The following TENM3 variants were observed in gnomAD, a reference collection of about 807,000 sequenced individuals.
TENM3 encodes teneurin transmembrane protein 3.
Under a neutral mutation model 255.1 loss-of-function variants are expected in TENM3, and 63 were observed. That is an observed-to-expected ratio of 0.25 (90% CI 0.20 to 0.30). The LOEUF is 0.30. Ranked by LOEUF, TENM3 falls within the 10% of genes least tolerant of loss-of-function variation. The pLI is 1.00. For missense variants in TENM3, 2,929 were observed against 3,461.1 expected (o/e 0.85, Z 3.86); for synonymous variants, 1,306 against 1,322.3 (o/e 0.99, Z 0.27).
At chr4:182,753,212 T>G (rs1363541505) in intron 20 of TENM3, among the ~76,000 whole-genome samples, 1 of 152,192 alleles carries the variant, frequency 6.6e-6, no homozygotes, top group Non-Finnish European at 1.5e-5. Flanking sequence ...CCTCGCAAAG[T>G]GCTAGGATTG....
chr4:182,114,512 C>G, the TENM3 span, among the ~76,000 whole-genome samples: 2 of 151,962 alleles, frequency 1.3e-5, no homozygotes, highest in African/African-American at 4.8e-5. Flanking sequence ...CATACCATTA[C>G]ATTTCAGATA....
At chr4:182,314,755 T>C (rs1237796851) in intron 1 of TENM3, among the ~76,000 whole-genome samples, 1 of 152,232 alleles carries the variant, frequency 6.6e-6, no homozygotes, top group Non-Finnish European at 1.5e-5. Flanking sequence ...TTTTAGACCA[T>C]TTACATTTAA....
At chr4:182,759,545 TATAAA>T (rs1207455252) in intron 22 of TENM3, among the ~76,000 whole-genome samples, 1 of 152,262 alleles carries the variant, frequency 6.6e-6, no homozygotes, top group African/African-American at 2.4e-5. Flanking sequence ...TATTTTGCTT[TATAAA>T]ATAAGGACTT....
rs13130747 is a variant in TENM3, at chr4:182,753,424, G to C, written c.3863-26G>C. The stretch of plus-strand genomic sequence containing the variant: ...AAAAGTAACCATTTTTGAAAAATTA[G>C]TAATACTTGCTTCTCTCAAATACAG... On this transcript the variant is annotated intron_variant, in intron 20 of 27. Transcript: ENST00000511685. 818,313 of 1,595,238 alleles carry C rather than the reference G, an allele frequency of 0.51. 212,584 individuals carry two copies. The highest frequency in any genetic ancestry group is 0.67 in the African/African-American group (49,677 of 74,356).
chr4:182,066,417 C>T, the TENM3 span, among the ~76,000 whole-genome samples: 2 of 151,930 alleles, frequency 1.3e-5, no homozygotes, highest in Non-Finnish European at 2.9e-5. Context: ...ACAACAACAA[C>T]GATAAGGAGA....
chr4:181,838,749 A>T, the TENM3 span, among the ~76,000 whole-genome samples: 1 of 151,938 alleles, frequency 6.6e-6, no homozygotes, highest in Non-Finnish European at 1.5e-5. Flanking sequence ...TTTTAATGTT[A>T]TTTCTTTTCT....
Position 182,802,958 on chromosome 4 carries a change from T to A in TENM3, c.*2607T>A, listed in dbSNP as rs1050573363. The A allele has an allele frequency of 6.6e-6, 1 of 152,666 alleles. No homozygotes were observed. The highest frequency in any genetic ancestry group is 1.5e-5 in the Non-Finnish European group (1 of 68,040). 9.5% of individuals were successfully genotyped at this position (152,666 alleles called of 1,614,324 possible). A position where few individuals can be genotyped will look rare whatever the true frequency, so the allele number is the denominator to read the frequency against. Reference sequence around the variant, plus strand: ...TGCCTTCTTAACTTTATATGTGACCTGAATTTTCCATAACTTGATGACTAT... The same window carrying A: ...TGCCTTCTTAACTTTATATGTGACCAGAATTTTCCATAACTTGATGACTAT... On this transcript the variant is annotated 3_prime_UTR_variant, in exon 28 of 28. Transcript: ENST00000511685.
At chr4:182,625,322 G>A (rs1024267759) in intron 4 of TENM3, among the ~76,000 whole-genome samples, 3 of 152,158 alleles carry the variant, frequency 2.0e-5, no homozygotes, top group Non-Finnish European at 2.9e-5. Flanking sequence ...GGGAGGGAGC[G>A]TTACTGCCTG....
At chr4:182,330,727 C>A (rs929739472) in intron 2 of TENM3, among the ~76,000 whole-genome samples, 1 of 152,076 alleles carries the variant, frequency 6.6e-6, no homozygotes, top group Non-Finnish European at 1.5e-5. Flanking sequence ...TCATGGCCTC[C>A]GAAGAGGAGA....
the TENM3 span, among the ~76,000 whole-genome samples, chr4:181,730,832 T>C: frequency 6.6e-6 from 1 of 152,206 alleles, no homozygotes; most frequent in Non-Finnish European, 1.5e-5. Context: ...ATTGAAGCTA[T>C]GCAGCCACCA....
the TENM3 span, among the ~76,000 whole-genome samples, chr4:181,675,232 G>A: frequency 6.6e-6 from 1 of 152,004 alleles, no homozygotes; most frequent in Non-Finnish European, 1.5e-5. Flanking sequence ...GTGGAAGATA[G>A]AGCTTTTTTT....
chr4:181,787,830 G>A, the TENM3 span, among the ~76,000 whole-genome samples: 1 of 151,990 alleles, frequency 6.6e-6, no homozygotes, highest in Non-Finnish European at 1.5e-5. Flanking sequence ...TGTAACTCCT[G>A]CCTTCTTAAA....
intron 3 of TENM3, among the ~76,000 whole-genome samples, chr4:182,392,480 C>T (rs560983197): frequency 6.6e-6 from 1 of 152,294 alleles, no homozygotes; most frequent in Non-Finnish European, 1.5e-5. Flanking sequence ...CTACATGGTA[C>T]GTCCAGCCAC....
the TENM3 span, among the ~76,000 whole-genome samples, chr4:181,804,576 C>T: frequency 6.6e-6 from 1 of 152,170 alleles, no homozygotes; most frequent in African/African-American, 2.4e-5. Flanking sequence ...TAAGAATAAA[C>T]AAGATGTTGA....
At chr4:182,195,150 T>C (rs1753763361) in intron 1 of TENM3, among the ~76,000 whole-genome samples, 1 of 152,042 alleles carries the variant, frequency 6.6e-6, no homozygotes, top group Non-Finnish European at 1.5e-5. Flanking sequence ...TGTGAGGGCA[T>C]ATAACATGAG....
At chr4:181,937,175 C>T in the TENM3 span, among the ~76,000 whole-genome samples, 3 of 152,274 alleles carry the variant, frequency 2.0e-5, no homozygotes, top group East Asian at 3.9e-4. Flanking sequence ...AAAACTTGGA[C>T]CATCCAGAGA....
At chr4:182,468,374 T>C (rs1272198028) in intron 3 of TENM3, among the ~76,000 whole-genome samples, 8 of 152,208 alleles carry the variant, frequency 5.3e-5, no homozygotes. Flanking sequence ...GTAAGGTATA[T>C]ATGCTGTGCT....
intron 6 of TENM3, among the ~76,000 whole-genome samples, chr4:182,672,219 TGCAGGAA>T (rs752376082): frequency 3.9e-5 from 6 of 152,166 alleles, no homozygotes; most frequent in Admixed American, 6.5e-5. Context: ...AAGGAGGCCA[TGCAGGAA>T]GAGAAGAGAT....
the TENM3 span, among the ~76,000 whole-genome samples, chr4:181,743,996 C>G: frequency 6.6e-6 from 1 of 152,070 alleles, no homozygotes; most frequent in Admixed American, 6.6e-5. Flanking sequence ...CCCGACAGGC[C>G]CCAATGTCTG....
Sources: gnomAD v4.1 joint callset for allele counts (sites outside exome capture counted in the v4.1 genomes callset) on GRCh38, gnomAD v4.1.1 for gene constraint, MANE v1.5 for transcripts, NCBI Gene and HGNC (gene_info 2026-07-23, HGNC 2026-07-21) for gene names.